Variants in ZKSCAN5 observed in about 807,000 individuals in gnomAD.
ZKSCAN5 encodes the protein zinc finger protein with KRAB and SCAN domains 5.
ZKSCAN5 carries 28 observed loss-of-function variants against 60.0 expected under a neutral mutation model. The observed-to-expected ratio is 0.47, with a 90% CI of 0.35 to 0.64. The LOEUF (loss-of-function observed/expected upper bound fraction) is 0.64. Ranked by LOEUF, ZKSCAN5 falls within the 30% of genes least tolerant of loss-of-function variation. The probability of loss-of-function intolerance (pLI) is 0.01; values close to 1 mark genes in which losing one functional copy is unlikely to be tolerated. For synonymous variants in ZKSCAN5, 361 were observed against 371.2 expected (o/e 0.97, Z 0.31); for missense variants, 881 against 1,034.6 (o/e 0.85, Z 2.04).
intron 2 of ZKSCAN5, among the ~76,000 whole-genome samples, chr7:99,507,521 A>ATG (rs1584162548): frequency 1.6e-5 from 2 of 127,336 alleles, no homozygotes; most frequent in African/African-American, 6.8e-5. Context: ...GTGTGTATAT[A>ATG]TGTATATGTG....
chr7:99,525,200 G>A (rs1482685717), intron 5 of ZKSCAN5, among the ~76,000 whole-genome samples: 2 of 150,824 alleles, frequency 1.3e-5, no homozygotes, highest in East Asian at 2.0e-4. Flanking sequence ...GCCCAGTCGC[G>A]TTGGCTCACG....
At chr7:99,522,478 CTT>C (rs757882299) in intron 5 of ZKSCAN5, among the ~76,000 whole-genome samples, 19 of 142,870 alleles carry the variant, frequency 1.3e-4, no homozygotes, top group African/African-American at 7.6e-5. Context: ...TTTGTTTCCC[CTT>C]TTTTTTTTTT....
At chr7:99,525,497 G>GCA (rs374340957) in intron 5 of ZKSCAN5, among the ~76,000 whole-genome samples, 235 of 150,876 alleles carry the variant, frequency 1.6e-3, no homozygotes, top group East Asian at 2.9e-3. Context: ...ACGCGCGCGC[G>GCA]CACACACACA....
At chr7:99,513,636 A>AC (rs1334082457) in intron 3 of ZKSCAN5, 2 of 162,872 alleles carry the variant, frequency 1.2e-5, no homozygotes, top group Non-Finnish European at 2.8e-5. Flanking sequence ...TCAAGTGATC[A>AC]CCTACCTTGT....
chr7:99,531,073 T>C (rs756151771), intron 6 of ZKSCAN5, 35 bp from the exon 7 acceptor site: 11 of 1,527,442 alleles, frequency 7.2e-6, no homozygotes. Flanking sequence ...AAAAAAGAAC[T>C]GATGACATTT....
At chr7:99,519,240 C>A (rs931348417) in intron 3 of ZKSCAN5, among the ~76,000 whole-genome samples, 1 of 149,164 alleles carries the variant, frequency 6.7e-6, no homozygotes, top group Non-Finnish European at 1.5e-5. Context: ...TCCCAAAGTA[C>A]TAGGATTACA....
chr7:99,523,624 A>G (rs1801644966), intron 5 of ZKSCAN5, among the ~76,000 whole-genome samples: 1 of 152,092 alleles, frequency 6.6e-6, no homozygotes, highest in Admixed American at 6.6e-5. Context: ...CAATCAATCA[A>G]TCAATCAATC....
At chr7:99,520,437 AG>A in intron 5 of ZKSCAN5, 133 bp downstream of exon 5, 1 of 1,025,452 alleles carries the variant, frequency 9.8e-7, no homozygotes, top group Non-Finnish European at 1.4e-6. Context: ...TTTTTGTAAA[AG>A]AATAAATCAG....
At chr7:99,526,724 T>C (rs1801812504) in intron 6 of ZKSCAN5, among the ~76,000 whole-genome samples, 1 of 152,052 alleles carries the variant, frequency 6.6e-6, no homozygotes, top group African/African-American at 2.4e-5. Flanking sequence ...CCGGGTAATT[T>C]TTGTGTTTTT....
intron 5 of ZKSCAN5, among the ~76,000 whole-genome samples, chr7:99,524,969 C>T (rs939578815): frequency 6.6e-6 from 1 of 150,460 alleles, no homozygotes; most frequent in Admixed American, 6.6e-5. Context: ...GAGTTCGAGA[C>T]CACCTGGCCA....
rs1203165951 is a variant in ZKSCAN5, at chr7:99,512,988, C to A, written c.553+397C>A. On this transcript the variant is annotated intron_variant, in intron 3 of 6. Coordinates refer to ENST00000326775, the MANE Select transcript of ZKSCAN5 (RefSeq NM_145102.4). ...GCTATCCCTCCCCCCTCCCCCCACCCCACAACAGTCCCCAGAGTGTGATGT... is the reference window on the plus strand; with the variant it reads ...GCTATCCCTCCCCCCTCCCCCCACCACACAACAGTCCCCAGAGTGTGATGT... Among the ~76,000 whole-genome samples, 286 of 117,452 alleles carry A rather than the reference C, an allele frequency of 2.4e-3. 1 individual carries two copies. The highest frequency in any genetic ancestry group is 5.8e-3 in the South Asian group (17 of 2,956). The allele number at this position is 117,452 out of a possible 152,430, so 77.1% of individuals were successfully genotyped here.
intron 6 of ZKSCAN5, 33 bp from the exon 7 acceptor site, chr7:99,531,075 A>G: frequency 6.5e-7 from 1 of 1,528,384 alleles, no homozygotes; most frequent in South Asian, 1.3e-5. Flanking sequence ...AAAAGAACTG[A>G]TGACATTTTC....
rs1802021585 is a variant in ZKSCAN5, at chr7:99,531,149, A to G, written c.1420A>G (p.Lys474Glu). ...RSKNTKLSVK[K>E]KISEYSEADM... ...TAAGAACACAAAATTAAGTGTTAAG[A>G]AGAAAATTTCAGAATATTCAGAAGC... The change falls in exon 7 of 7, where the codon AAG becomes GAG. Residue 474 changes from lysine (K) to glutamate (E), a missense_variant. Transcript: ENST00000326775. The G allele has an allele frequency of 6.2e-7, 1 of 1,603,284 alleles. No individual in the cohort carries two copies. Among genetic ancestry groups the G allele is most frequent in the Non-Finnish European group, 8.5e-7 (1 of 1,177,050 alleles).
chr7:99,521,197 TTTA>T (rs1259047853), intron 5 of ZKSCAN5, among the ~76,000 whole-genome samples: 2 of 152,090 alleles, frequency 1.3e-5, no homozygotes, highest in African/African-American at 4.8e-5. Context: ...ATATATTTAT[TTTA>T]TTATTTTATT....
intron 2 of ZKSCAN5, among the ~76,000 whole-genome samples, chr7:99,509,201 C>T (rs1800906587): frequency 6.6e-6 from 1 of 152,172 alleles, no homozygotes; most frequent in East Asian, 1.9e-4. Context: ...GTTGGCCAGG[C>T]TGGTCTTAAA....
intron 5 of ZKSCAN5, among the ~76,000 whole-genome samples, chr7:99,524,046 C>G (rs1431938002): frequency 6.7e-6 from 1 of 149,302 alleles, no homozygotes; most frequent in African/African-American, 2.5e-5. Context: ...TTGGGACATT[C>G]TTAATAGGCC....
Position 99,532,003 on chromosome 7 carries a change from C to A in ZKSCAN5, c.2274C>A (p.Ser758=), listed in dbSNP as rs758564659. ...GTAGAGAAAATGTTGGCCAGTGTTC[C>A]CACACCAAACAACATCAAAAAATCT... ...DICRENVGQC[S]HTKQHQKIYS... is the part of the protein sequence containing the mutation. Residue 758 remains serine (S), a synonymous_variant, in exon 7 of 7, where the codon TCC becomes TCA. Coordinates refer to ENST00000326775, the MANE Select transcript of ZKSCAN5 (RefSeq NM_145102.4). 1 of 1,614,136 alleles carries A rather than the reference C, an allele frequency of 6.2e-7. No individual in the cohort carries two copies. Among genetic ancestry groups the A allele is most frequent in the South Asian group, 1.1e-5 (1 of 91,074 alleles).
chr7:99,505,957 A>G, intron 1 of ZKSCAN5, 48 bp from the exon 2 acceptor site: 1 of 1,488,792 alleles, frequency 6.7e-7, no homozygotes, highest in Non-Finnish European at 9.1e-7. Flanking sequence ...CATGCTACTG[A>G]AAGTGTCCTT....
At position 99,528,124 on chromosome 7, in the gene ZKSCAN5, T is replaced by C. The variant is rs201065637; in HGVS notation, c.1378+1706T>C. The stretch of plus-strand genomic sequence containing the variant: ...AGACCAGCCAAAATGTTTTTCTTTT[T>C]TTTTTTTTTTTTTTTAATTCTGCCT... On this transcript the variant is annotated intron_variant, in intron 6 of 6. Transcript: ENST00000326775. Among the ~76,000 whole-genome samples, 215 of 151,446 alleles carry C rather than the reference T, an allele frequency of 1.4e-3. 3 individuals are homozygous for C. The highest frequency in any genetic ancestry group is 0.01 in the Admixed American group (159 of 15,194).
Sources: allele counts gnomAD v4.1 joint callset (sites outside exome capture counted in the v4.1 genomes callset), GRCh38; gene constraint gnomAD v4.1.1; transcripts MANE v1.5; gene names NCBI Gene and HGNC (gene_info 2026-07-23, HGNC 2026-07-21).